Variants in PTPRD observed in about 807,000 individuals in gnomAD.
PTPRD encodes receptor-type tyrosine-protein phosphatase delta.
Under a neutral mutation model 214.5 loss-of-function variants are expected in PTPRD, and 34 were observed. That is an observed-to-expected ratio of 0.16 (90% confidence interval 0.12 to 0.21). PTPRD has a LOEUF of 0.21. Among genes scored for constraint, PTPRD ranks in the 10% least tolerant of loss-of-function variants. The pLI is 1.00. For synonymous variants in PTPRD, 1,128 were observed against 845.7 expected (o/e 1.33, Z -5.79); for missense variants, 2,545 against 2,398.7 (o/e 1.06, Z -1.27).
chr9:8,683,540 T>C (rs151252423), intron 12 of PTPRD, among the ~76,000 whole-genome samples: 68 of 152,302 alleles, frequency 4.5e-4, no homozygotes, highest in Middle Eastern at 3.4e-3. Context: ...ACCTCCTCTA[T>C]ATGTCATCAA....
At chr9:8,699,772 G>GA (rs35735101) in intron 12 of PTPRD, among the ~76,000 whole-genome samples, 40,045 of 133,332 alleles carry the variant, frequency 0.3, 5,704 homozygotes, top group African/African-American at 0.41. Flanking sequence ...ACGCCCAAAA[G>GA]AAAAAAAAAA....
intron 9 of PTPRD, among the ~76,000 whole-genome samples, chr9:9,316,236 C>T (rs1409178191): frequency 6.6e-6 from 1 of 151,746 alleles, no homozygotes; most frequent in Admixed American, 6.6e-5. Context: ...CCCTCTCCTC[C>T]TCTCTCTCTC....
chr9:8,535,383 GC>G (rs1412364734), intron 14 of PTPRD, among the ~76,000 whole-genome samples: 1 of 151,900 alleles, frequency 6.6e-6, no homozygotes, highest in African/African-American at 2.4e-5. Context: ...CCTCTGCAAA[GC>G]CAATAAATAC....
intron 10 of PTPRD, among the ~76,000 whole-genome samples, chr9:9,076,632 C>A (rs2099751636): frequency 6.6e-6 from 1 of 151,994 alleles, no homozygotes; most frequent in Non-Finnish European, 1.5e-5. Flanking sequence ...GACAGGATCT[C>A]ATTCTTTTTC....
intron 9 of PTPRD, among the ~76,000 whole-genome samples, chr9:9,256,090 T>C (rs1431134667): frequency 1.3e-5 from 2 of 152,004 alleles, no homozygotes; most frequent in African/African-American, 4.8e-5. Flanking sequence ...TCTTCAGTGT[T>C]AACAATAAGA....
chr9:8,818,711 TG>T (rs1468446696), intron 11 of PTPRD, among the ~76,000 whole-genome samples: 3 of 152,266 alleles, frequency 2.0e-5, no homozygotes, highest in African/African-American at 7.2e-5. Context: ...ACAAGAGCAC[TG>T]CTTCTTACGC....
chr9:8,528,805 A>T, intron 14 of PTPRD, 26 bp from the exon 15 acceptor site: 1 of 1,607,292 alleles, frequency 6.2e-7, no homozygotes, highest in Non-Finnish European at 8.5e-7. Flanking sequence ...TGATAGAAAC[A>T]TTCAGTTAAT....
chr9:9,977,613 T>G (rs561110742), intron 4 of PTPRD, among the ~76,000 whole-genome samples: 2 of 152,274 alleles, frequency 1.3e-5, no homozygotes, highest in African/African-American at 4.8e-5. Context: ...TTAAAAATGA[T>G]AAGTGAACGC....
At chr9:9,505,435 C>T (rs1457820335) in intron 8 of PTPRD, among the ~76,000 whole-genome samples, 2 of 151,448 alleles carry the variant, frequency 1.3e-5, no homozygotes, top group Admixed American at 1.3e-4. Flanking sequence ...TTAGAATCCA[C>T]AGATTAGAAA....
intron 5 of PTPRD, among the ~76,000 whole-genome samples, chr9:9,938,040 G>C (rs1055810730): frequency 6.6e-6 from 1 of 152,064 alleles, no homozygotes; most frequent in East Asian, 1.9e-4. Context: ...TTATCTGCTT[G>C]CCCTTATTGC....
chr9:9,958,796 A>G (rs1029218568), intron 4 of PTPRD, among the ~76,000 whole-genome samples: 12 of 152,210 alleles, frequency 7.9e-5, no homozygotes, highest in African/African-American at 2.9e-4. Flanking sequence ...ATGATGCTCA[A>G]TATCATAAAA....
intron 5 of PTPRD, among the ~76,000 whole-genome samples, chr9:9,875,846 G>C (rs886616408): frequency 5.3e-5 from 8 of 152,038 alleles, no homozygotes; most frequent in African/African-American, 1.9e-4. Context: ...ACTGATAAAA[G>C]TTAAAATACT....
At chr9:9,816,785 G>C (rs1381604894) in intron 5 of PTPRD, among the ~76,000 whole-genome samples, 1 of 151,902 alleles carries the variant, frequency 6.6e-6, no homozygotes, top group African/African-American at 2.4e-5. Flanking sequence ...TTTAGTAATA[G>C]ATAGTGAACT....
chr9:8,509,514 T>C (rs2097628727), intron 21 of PTPRD, among the ~76,000 whole-genome samples: 1 of 152,174 alleles, frequency 6.6e-6, no homozygotes, highest in South Asian at 2.1e-4. Context: ...GACTACAGTA[T>C]GGTCAAGAAT....
chr9:9,404,025 C>T (rs1214650969), intron 8 of PTPRD, among the ~76,000 whole-genome samples: 2 of 151,878 alleles, frequency 1.3e-5, no homozygotes, highest in Non-Finnish European at 2.9e-5. Flanking sequence ...ACAGTTAGTA[C>T]ACAAGGACTT....
chr9:10,338,531 T>C (rs1463636355), intron 3 of PTPRD, among the ~76,000 whole-genome samples: 1 of 151,792 alleles, frequency 6.6e-6, no homozygotes, highest in Non-Finnish European at 1.5e-5. Flanking sequence ...TTGGCCTATT[T>C]TGACTTTTAT....
At chr9:9,236,487 T>C (rs991645109) in intron 9 of PTPRD, among the ~76,000 whole-genome samples, 1 of 151,856 alleles carries the variant, frequency 6.6e-6, no homozygotes, top group Non-Finnish European at 1.5e-5. Flanking sequence ...TCTTATACTC[T>C]CTCAACTTCC....
chr9:8,673,955 C>G (rs1020621654), intron 12 of PTPRD, among the ~76,000 whole-genome samples: 2 of 152,144 alleles, frequency 1.3e-5, no homozygotes, highest in East Asian at 1.9e-4. Context: ...CAACCAAAAA[C>G]GTCTCCAAAC....
At chr9:8,852,942 A>AT (rs565362608) in intron 11 of PTPRD, among the ~76,000 whole-genome samples, 3 of 152,058 alleles carry the variant, frequency 2.0e-5, no homozygotes, top group Non-Finnish European at 2.9e-5. Context: ...GTTTTAGTCC[A>AT]TTTTTTTCCC....
Sources: allele counts gnomAD v4.1 joint callset (sites outside exome capture counted in the v4.1 genomes callset), GRCh38; gene constraint gnomAD v4.1.1; transcripts MANE v1.5; gene names NCBI Gene and HGNC (gene_info 2026-07-23, HGNC 2026-07-21).